The following NMNAT2 variants were observed in gnomAD, a reference collection of about 807,000 sequenced individuals.
NMNAT2 encodes the protein nicotinamide/nicotinic acid mononucleotide adenylyltransferase 2.
Under a neutral mutation model 41.6 loss-of-function variants are expected in NMNAT2, and 11 were observed. That is an observed-to-expected ratio of 0.26 (90% CI 0.17 to 0.44). NMNAT2 has a LOEUF of 0.44. NMNAT2 is among the 20% of genes least tolerant of loss of function. The pLI is 1.00. For missense variants in NMNAT2, 288 were observed against 407.7 expected (o/e 0.71, Z 2.53); for synonymous variants, 148 against 151.2 (o/e 0.98, Z 0.16).
In NMNAT2 at chr1:183,273,440, G is replaced by A. The variant is rs189176514; in HGVS notation, c.651+5113C>T. Among the ~76,000 whole-genome samples, 815 of 152,358 alleles carry A rather than the reference G, an allele frequency of 5.3e-3. 2 individuals are homozygous for A. The highest frequency in any genetic ancestry group is 9.2e-3 in the Admixed American group (141 of 15,308). ...GAAAGGGATGAATGAATGGGCAAAC[G>A]AATGAAACCTGAAACAGAAGCAGGT... On this transcript the variant is annotated intron_variant, in intron 8 of 10. Coordinates refer to ENST00000287713, the MANE Select transcript of NMNAT2 (RefSeq NM_015039.4).
intron 1 of NMNAT2, among the ~76,000 whole-genome samples, chr1:183,371,398 T>G (rs1663537718): frequency 1.3e-5 from 2 of 152,148 alleles, no homozygotes; most frequent in South Asian, 4.1e-4. Context: ...GGTGGTTACA[T>G]GTCAATAAAC....
intron 1 of NMNAT2, among the ~76,000 whole-genome samples, chr1:183,305,352 G>T (rs1557873089): frequency 6.6e-6 from 1 of 152,086 alleles, no homozygotes; most frequent in Non-Finnish European, 1.5e-5. Flanking sequence ...AATGAAGACA[G>T]GAGGAGGACA....
At chr1:183,293,462 A>C (rs1661596446) in intron 2 of NMNAT2, among the ~76,000 whole-genome samples, 1 of 152,248 alleles carries the variant, frequency 6.6e-6, no homozygotes, top group Admixed American at 6.5e-5. Context: ...AGTCCTGACC[A>C]GCCCGTAAGT....
At chr1:183,365,738 C>CA (rs531748844) in intron 1 of NMNAT2, among the ~76,000 whole-genome samples, 288 of 146,164 alleles carry the variant, frequency 2.0e-3, no homozygotes, top group Non-Finnish European at 3.2e-3. Context: ...AACTCCATCT[C>CA]AAAAAAAAAA....
chr1:183,372,966 T>C (rs1663581891), intron 1 of NMNAT2, among the ~76,000 whole-genome samples: 1 of 152,186 alleles, frequency 6.6e-6, no homozygotes, highest in Non-Finnish European at 1.5e-5. Context: ...GTCTTTCATC[T>C]TCTAGGCTCC....
At chr1:183,379,047 AATATCT>A (rs71127348) in intron 1 of NMNAT2, among the ~76,000 whole-genome samples, 3,732 of 139,786 alleles carry the variant, frequency 0.027, 155 homozygotes, top group African/African-American at 0.087. Flanking sequence ...TGTCTCAAAA[AATATCT>A]ATATCTATAT....
At chr1:183,361,324 A>G (rs1446037393) in intron 1 of NMNAT2, among the ~76,000 whole-genome samples, 1 of 152,014 alleles carries the variant, frequency 6.6e-6, no homozygotes, top group Non-Finnish European at 1.5e-5. Context: ...TCCAGCCCAA[A>G]CCTCTCTGGC....
At chr1:183,374,919 G>A (rs2101912781) in intron 1 of NMNAT2, among the ~76,000 whole-genome samples, 1 of 152,328 alleles carries the variant, frequency 6.6e-6, no homozygotes, top group Admixed American at 6.5e-5. Flanking sequence ...CTAGGAATAG[G>A]ATGTGTGTTG....
intron 1 of NMNAT2, among the ~76,000 whole-genome samples, chr1:183,333,911 G>A (rs563247699): frequency 2.6e-5 from 4 of 152,130 alleles, no homozygotes; most frequent in Non-Finnish European, 4.4e-5. Flanking sequence ...AACTATCTCC[G>A]GGATCCACCA....
rs140303331 is a variant in NMNAT2, at chr1:183,286,971, G to A, written c.322-183C>T. ...ACTAGGCTGGCAGGAGCAGCTCAGT[G>A]GGAGAAGCATGAGATGTGGTGTTAT... On this transcript the variant is annotated intron_variant, in intron 4 of 10. Transcript: ENST00000287713. Among the ~76,000 whole-genome samples, 15 of 152,212 alleles carry A rather than the reference G, an allele frequency of 9.9e-5. No individual in the cohort carries two copies. The East Asian group carries it at 2.9e-3, about 29-fold the overall frequency.
intron 1 of NMNAT2, among the ~76,000 whole-genome samples, chr1:183,391,317 T>A (rs1295153057): frequency 6.6e-6 from 1 of 152,324 alleles, no homozygotes; most frequent in East Asian, 1.9e-4. Flanking sequence ...TCTGTAACTC[T>A]GTATTCTCTA....
chr1:183,292,348 G>C (rs962200198), intron 3 of NMNAT2, among the ~76,000 whole-genome samples: 1 of 152,198 alleles, frequency 6.6e-6, no homozygotes, highest in African/African-American at 2.4e-5. Context: ...CTGTCTCCTG[G>C]GGCCAGTGTG....
rs367839902 is a variant in NMNAT2 at position 183,395,641 on chromosome 1, C to G, written c.85+22542G>C. On this transcript the variant is annotated intron_variant, in intron 1 of 10. Transcript: ENST00000287713. ...ATTTTGCAGGGGGTGAAATGAAGCACTGGGACCCAAGGTGAGAATCAAGAG... is the reference window on the plus strand; with the variant it reads ...ATTTTGCAGGGGGTGAAATGAAGCAGTGGGACCCAAGGTGAGAATCAAGAG... Among the ~76,000 whole-genome samples, 8 of 152,266 alleles carry G rather than the reference C, an allele frequency of 5.3e-5. No individual in the cohort carries two copies. The South Asian group carries it at 1.5e-3, about 28-fold the overall frequency.
intron 1 of NMNAT2, among the ~76,000 whole-genome samples, chr1:183,312,035 C>T (rs1662134874): frequency 6.6e-6 from 1 of 152,090 alleles, no homozygotes; most frequent in South Asian, 2.1e-4. Flanking sequence ...GCCTTCCAAC[C>T]ACAATTGTGA....
rs1662811194 is a variant in NMNAT2 at position 183,341,725 on chromosome 1, C to CAAAAAAAAAAACAAAAAAAAAAAAAA, written c.86-47933_86-47932insTTTTTTTTTTTTTTGTTTTTTTTTTT. Among the ~76,000 whole-genome samples, 17 of 22,214 alleles carry CAAAAAAAAAAACAAAAAAAAAAAAAA rather than the reference C, an allele frequency of 7.7e-4. 1 individual carries two copies. Among genetic ancestry groups the CAAAAAAAAAAACAAAAAAAAAAAAAA allele is most frequent in the African/African-American group, 2.4e-3 (15 of 6,242 alleles). The allele number at this position is 22,214 out of a possible 152,430, so 14.6% of individuals were successfully genotyped here. A position where few individuals can be genotyped will look rare whatever the true frequency, so the allele number is the denominator to read the frequency against. ...GAGGAAAAGACAAACAAACAAACAC[C>CAAAAAAAAAAACAAAAAAAAAAAAAA]AAAAAAAAAAAAAAAAAAAAAACCT... On this transcript the variant is annotated intron_variant, in intron 1 of 10. Coordinates refer to ENST00000287713, the MANE Select transcript of NMNAT2 (RefSeq NM_015039.4).
intron 1 of NMNAT2, among the ~76,000 whole-genome samples, chr1:183,309,445 A>T (rs1184224407): frequency 6.6e-6 from 1 of 152,224 alleles, no homozygotes; most frequent in Non-Finnish European, 1.5e-5. Flanking sequence ...ACAGGCACAA[A>T]TCCACTCATC....
rs1660647905 is a variant in NMNAT2 at position 183,261,182 on chromosome 1, T to C, written c.753+20A>G. Reference sequence around the variant, plus strand: ...GAGAAGGGCCATAACACAGATGCACTAGCAGGATGGAGGACTCACTTTGTA... The same window carrying C: ...GAGAAGGGCCATAACACAGATGCACCAGCAGGATGGAGGACTCACTTTGTA... On this transcript the variant is annotated intron_variant, in intron 9 of 10. Transcript: ENST00000287713. 6.2e-7 allele frequency: 1 copy of C among 1,611,580 alleles called. No individual in the cohort carries two copies. Among genetic ancestry groups the C allele is most frequent in the Non-Finnish European group, 8.5e-7 (1 of 1,177,688 alleles).
intron 1 of NMNAT2, among the ~76,000 whole-genome samples, chr1:183,357,624 T>A (rs1663223949): frequency 6.6e-6 from 1 of 152,206 alleles, no homozygotes; most frequent in East Asian, 1.9e-4. Context: ...CTATCAACAG[T>A]GTACAAGCGT....
rs928870975 is a variant in NMNAT2 at position 183,257,398 on chromosome 1, G to A, written c.821+3604C>T. Among the ~76,000 whole-genome samples, 7 of 152,214 alleles carry A rather than the reference G, an allele frequency of 4.6e-5. No homozygotes were observed. The South Asian group carries it at 6.2e-4, about 14-fold the overall frequency. On this transcript the variant is annotated intron_variant, in intron 10 of 10. Transcript: ENST00000287713. ...GGAGGTTGCAGTGAGCCAAGATCAC[G>A]CTATTGCACTCCAGCCTGGGCGACA...
Sources: gnomAD v4.1 joint callset for allele counts (sites outside exome capture counted in the v4.1 genomes callset) on GRCh38, gnomAD v4.1.1 for gene constraint, MANE v1.5 for transcripts, NCBI Gene and HGNC (gene_info 2026-07-23, HGNC 2026-07-21) for gene names.